DSCAM: variants seen among roughly 807,000 people sequenced by gnomAD.
The protein encoded by DSCAM is DS cell adhesion molecule, also known as cell adhesion molecule DSCAM.
A neutral mutation model predicts 217.7 loss-of-function variants in DSCAM; 47 were observed. That is an observed-to-expected ratio of 0.22 (90% CI 0.17 to 0.28). The LOEUF (loss-of-function observed/expected upper bound fraction) is 0.28. Ranked by LOEUF, DSCAM falls within the 10% of genes least tolerant of loss-of-function variation. The pLI is 1.00. For missense variants in DSCAM, 2,080 were observed against 2,618.3 expected (o/e 0.79, Z 4.49); for synonymous variants, 1,056 against 1,015.3 (o/e 1.04, Z -0.76).
At chr21:40,586,734 C>T (rs1180918104) in intron 3 of DSCAM, among the ~76,000 whole-genome samples, 2 of 152,178 alleles carry the variant, frequency 1.3e-5, no homozygotes, top group Non-Finnish European at 2.9e-5. Flanking sequence ...ATGCTTGAAA[C>T]CCAACTTGCC....
chr21:40,317,800 T>C (rs1031289297), intron 8 of DSCAM, among the ~76,000 whole-genome samples: 1 of 152,228 alleles, frequency 6.6e-6, no homozygotes, highest in Non-Finnish European at 1.5e-5. Context: ...CCCAAAGTGC[T>C]GGGATTATAG....
intron 11 of DSCAM, among the ~76,000 whole-genome samples, chr21:40,260,941 T>A (rs2073441692): frequency 6.6e-6 from 1 of 152,228 alleles, no homozygotes; most frequent in African/African-American, 2.4e-5. Flanking sequence ...GGTGTTCTGT[T>A]ATTGAAGATA....
intron 27 of DSCAM, among the ~76,000 whole-genome samples, chr21:40,074,397 G>A (rs1331277797): frequency 6.6e-6 from 1 of 152,216 alleles, no homozygotes; most frequent in Non-Finnish European, 1.5e-5. Flanking sequence ...ACATTGCAGA[G>A]CAAGGGCAAG....
intron 1 of DSCAM, among the ~76,000 whole-genome samples, chr21:40,844,690 TTTAG>T (rs1336956744): frequency 1.3e-5 from 2 of 152,232 alleles, no homozygotes; most frequent in Non-Finnish European, 2.9e-5. Context: ...GATTGTTTAT[TTTAG>T]TTATAAAATG....
intron 24 of DSCAM, among the ~76,000 whole-genome samples, chr21:40,081,683 C>A (rs1343813470): frequency 6.6e-6 from 1 of 152,180 alleles, no homozygotes; most frequent in Non-Finnish European, 1.5e-5. Flanking sequence ...CAAAAAACTC[C>A]TCTAATCCTT....
intron 3 of DSCAM, among the ~76,000 whole-genome samples, chr21:40,458,294 A>G (rs1425921477): frequency 1.3e-5 from 2 of 152,272 alleles, no homozygotes; most frequent in Admixed American, 6.5e-5. Context: ...ATTTCCCCAC[A>G]AAGTTATAAC....
intron 1 of DSCAM, among the ~76,000 whole-genome samples, chr21:40,814,000 G>T (rs997110003): frequency 1.4e-4 from 21 of 152,130 alleles, no homozygotes; most frequent in Admixed American, 1.0e-3. Context: ...GTATGAGGCA[G>T]GCTCGATTCC....
intron 11 of DSCAM, among the ~76,000 whole-genome samples, chr21:40,262,755 G>A (rs1021269729): frequency 1.3e-5 from 2 of 152,214 alleles, no homozygotes; most frequent in East Asian, 3.9e-4. Flanking sequence ...GGCAGTGATA[G>A]AAATGAGGTA....
intron 3 of DSCAM, among the ~76,000 whole-genome samples, chr21:40,491,345 T>C (rs531607711): frequency 5.3e-5 from 8 of 152,254 alleles, no homozygotes; most frequent in African/African-American, 1.9e-4. Context: ...CAGAGAGTGA[T>C]TGCTTCTGCC....
intron 28 of DSCAM, among the ~76,000 whole-genome samples, chr21:40,059,645 A>G (rs1374879338): frequency 6.6e-6 from 1 of 152,268 alleles, no homozygotes; most frequent in African/African-American, 2.4e-5. Context: ...ACATCCATTT[A>G]GAACACAGAA....
Position 40,078,789 on chromosome 21 carries a change from C to T in DSCAM, c.4609G>A (p.Asp1537Asn). The T allele has an allele frequency of 6.2e-7, 1 of 1,614,228 alleles. No homozygotes were observed. Reference protein sequence around the residue: ...TSLSKSYILYDLQEATWYELQ... With the variant: ...TSLSKSYILYNLQEATWYELQ... Reference sequence around the variant, plus strand: ...TCATACCAGGTGGCTTCCTGCAGGTCATACAGGATGTAGGACTTGGAGAGA... The same window carrying T: ...TCATACCAGGTGGCTTCCTGCAGGTTATACAGGATGTAGGACTTGGAGAGA... The change falls in exon 26 of 33, where the codon GAC becomes AAC. Residue 1537 changes from aspartate to asparagine, a missense_variant. Asp to Asn is a conservative substitution (Grantham distance 23). This residue lies in a region of DSCAM where 1,144 missense variants were observed against 1,421.1 expected (regional missense o/e 0.81). Coordinates refer to ENST00000400454, the MANE Select transcript of DSCAM (RefSeq NM_001389.5).
intron 3 of DSCAM, among the ~76,000 whole-genome samples, chr21:40,436,423 T>C (rs1252551855): frequency 1.3e-5 from 2 of 152,216 alleles, no homozygotes; most frequent in African/African-American, 4.8e-5. Flanking sequence ...AAGGCTGAGC[T>C]GAATTCTCTC....
chr21:40,690,641 G>T, intron 3 of DSCAM, among the ~76,000 whole-genome samples: 1 of 152,134 alleles, frequency 6.6e-6, no homozygotes, highest in Middle Eastern at 3.2e-3. Flanking sequence ...ATTCTATATT[G>T]CATGCCAGCA....
At chr21:40,627,522 G>A (rs2089618078) in intron 3 of DSCAM, among the ~76,000 whole-genome samples, 1 of 152,196 alleles carries the variant, frequency 6.6e-6, no homozygotes, top group African/African-American at 2.4e-5. Context: ...ATTACAGCGA[G>A]TACATGTTTG....
chr21:40,646,490 G>A (rs183856578), intron 3 of DSCAM, among the ~76,000 whole-genome samples: 1 of 151,878 alleles, frequency 6.6e-6, no homozygotes, highest in Admixed American at 6.6e-5. Flanking sequence ...AACTCACGTG[G>A]CATTGACTGA....
At chr21:40,796,907 T>C (rs1210778826) in intron 1 of DSCAM, among the ~76,000 whole-genome samples, 2 of 152,240 alleles carry the variant, frequency 1.3e-5, no homozygotes, top group African/African-American at 4.8e-5. Context: ...AGTATCCACT[T>C]ATTTTCCTTG....
intron 11 of DSCAM, among the ~76,000 whole-genome samples, chr21:40,242,758 G>A (rs1377914503): frequency 6.6e-6 from 1 of 152,144 alleles, no homozygotes; most frequent in Non-Finnish European, 1.5e-5. Flanking sequence ...AGATCCCCCT[G>A]CCCCCAACCC....
chr21:40,755,032 C>T (rs182884408), intron 1 of DSCAM, among the ~76,000 whole-genome samples: 96 of 152,260 alleles, frequency 6.3e-4, no homozygotes, highest in Non-Finnish European at 1.1e-3. Context: ...AGTTTTGCCA[C>T]AAGACATGGT....
chr21:40,508,754 TATATATATATATATATATATATATATATA>T (rs1236412857), intron 3 of DSCAM, among the ~76,000 whole-genome samples: 230 of 4,788 alleles, frequency 0.048, 16 homozygotes, highest in African/African-American at 0.08. Context: ...TATATATATA[TATATATATATATATATATATATATATATA>T]TTTTTTTTTT....
Sources: allele counts gnomAD v4.1 joint callset (sites outside exome capture counted in the v4.1 genomes callset), GRCh38; gene constraint gnomAD v4.1.1; regional missense constraint gnomAD v4.1.1; transcripts MANE v1.5; gene names NCBI Gene and HGNC (gene_info 2026-07-23, HGNC 2026-07-21).